Variants in TAAR2 observed in about 807,000 individuals in gnomAD.
The protein encoded by TAAR2 is trace amine-associated receptor 2.
TAAR2 carries 30 observed loss-of-function variants against 25.5 expected under a neutral mutation model. That is an observed-to-expected ratio of 1.18 (90% CI 0.88 to 1.60). The LOEUF is 1.60. TAAR2 is among the 40% of genes most tolerant of loss of function. TAAR2 has a pLI of 0.00. For synonymous variants in TAAR2, 150 were observed against 142.4 expected (o/e 1.05, Z -0.38); for missense variants, 481 against 416.5 (o/e 1.15, Z -1.35).
chr6:132,618,576 G>T lies in TAAR2; in HGVS notation c.61-431C>A, dbSNP rs151122208. ...AATCGCTGGAACCCAGGAGGTGGAG[G>T]TTGCAGTGAGCCGAGATTGTGCCAC... On this transcript the variant is annotated intron_variant, in intron 1 of 1. Coordinates refer to ENST00000367931, the MANE Select transcript of TAAR2 (RefSeq NM_001033080.1). 9.6e-3 allele frequency among the ~76,000 whole-genome samples: 1,468 copies of T among 152,164 alleles called. 21 individuals carry two copies. Among genetic ancestry groups the T allele is most frequent in the African/African-American group, 0.033 (1,365 of 41,490 alleles).
rs1777318670 is a variant in TAAR2, at chr6:132,617,798, T to C, written c.408A>G (p.Ser136=). The change falls in exon 2 of 2, where the codon TCA becomes TCG. Residue 136 remains serine, a synonymous_variant. Coordinates refer to ENST00000367931, the MANE Select transcript of TAAR2 (RefSeq NM_001033080.1). ...TAGCATAAAATCTATCAATGGCCAC[T>C]GAGCAAAGATGAAAAATGGATGTTA... The part of the protein sequence containing the change: ...LSITSIFHLC[S]VAIDRFYAIC... 1.2e-6 allele frequency: 2 copies of C among 1,614,084 alleles called. No homozygotes were observed. Among genetic ancestry groups the C allele is most frequent in the Non-Finnish European group, 1.7e-6 (2 of 1,180,006 alleles).
chr6:132,620,802 T>C (rs966463919), intron 1 of TAAR2, among the ~76,000 whole-genome samples: 1 of 92,444 alleles, frequency 1.1e-5, no homozygotes, highest in African/African-American at 6.4e-5. Context: ...AACATAAAAA[T>C]AAAAGTTAAA....
chr6:132,623,576 G>A (rs577510318), intron 1 of TAAR2, among the ~76,000 whole-genome samples: 4 of 151,922 alleles, frequency 2.6e-5, no homozygotes, highest in Admixed American at 6.6e-5. Flanking sequence ...ACTCCTTACC[G>A]AAGGAACTTT....
At chr6:132,618,377 C>T (rs544720930) in intron 1 of TAAR2, among the ~76,000 whole-genome samples, 4 of 152,192 alleles carry the variant, frequency 2.6e-5, no homozygotes, top group African/African-American at 7.2e-5. Context: ...CGGTGGCTCA[C>T]GCCTGTAATC....
intron 1 of TAAR2, among the ~76,000 whole-genome samples, chr6:132,618,593 T>C (rs184595904): frequency 1.3e-5 from 2 of 152,110 alleles, no homozygotes; most frequent in East Asian, 3.9e-4. Flanking sequence ...TGAGCCGAGA[T>C]TGTGCCACTG....
Position 132,617,952 on chromosome 6 carries a change from A to C in TAAR2, c.254T>G (p.Met85Arg). 6.2e-7 allele frequency: 1 copy of C among 1,614,048 alleles called. No individual in the cohort carries two copies. The highest frequency in any genetic ancestry group is 2.2e-5 in the East Asian group (1 of 44,812). ...HTPTNFLILS[M>R]AITDFLLGFT... ...TCCCAGGAGGAAATCAGTGATGGCC[A>C]TGGAGAGGATGAGGAAGTTGGTTGG... The change falls in exon 2 of 2, where the codon ATG (methionine) becomes AGG (arginine). Residue 85 changes from methionine (M) to arginine (R), a missense_variant. By Grantham distance (91) the Met-to-Arg change is moderately conservative (BLOSUM62 -1). Transcript: ENST00000367931.
At position 132,617,448 on chromosome 6, in the gene TAAR2, T is replaced by G; in HGVS notation, c.758A>C (p.Gln253Pro). 6.2e-7 allele frequency: 1 copy of G among 1,613,742 alleles called. No individual in the cohort carries two copies. The highest frequency in any genetic ancestry group is 8.5e-7 in the Non-Finnish European group (1 of 1,179,900). ...GGCAGCTTTTTTGTCTTTCTTCACT[T>G]GATTATTTTGATTTTCTCGCAAGTT... The part of the protein sequence containing the change: ...INNLRENQNN[Q>P]VKKDKKAAKT... Residue 253 changes from glutamine to proline, a missense_variant, in exon 2 of 2, where the codon CAA (glutamine) becomes CCA (proline). Coordinates refer to ENST00000367931, the MANE Select transcript of TAAR2 (RefSeq NM_001033080.1).
At chr6:132,622,478 CTTTTTTT>C (rs1156767001) in intron 1 of TAAR2, among the ~76,000 whole-genome samples, 8 of 57,380 alleles carry the variant, frequency 1.4e-4, no homozygotes, top group Admixed American at 2.6e-4. Context: ...TTAGTAACCA[CTTTTTTT>C]TTTTTTTTTT....
intron 1 of TAAR2, among the ~76,000 whole-genome samples, chr6:132,623,412 C>T (rs1221461312): frequency 6.6e-6 from 1 of 152,114 alleles, no homozygotes; most frequent in Non-Finnish European, 1.5e-5. Context: ...CTGCACAGGA[C>T]CAAAATTCAA....
chr6:132,622,365 A>G (rs552951935), intron 1 of TAAR2, among the ~76,000 whole-genome samples: 1 of 150,390 alleles, frequency 6.6e-6, no homozygotes, highest in South Asian at 2.1e-4. Context: ...GGTAGGGAGG[A>G]GGAAGCAGAA....
intron 1 of TAAR2, among the ~76,000 whole-genome samples, chr6:132,623,320 A>G (rs530948927): frequency 6.6e-6 from 1 of 152,206 alleles, no homozygotes; most frequent in African/African-American, 2.4e-5. Context: ...TTTCGTTCAC[A>G]TGTTAAAATG....
chr6:132,617,472 T>C lies in TAAR2; in HGVS notation c.734A>G (p.Asn245Ser). 1 of 1,613,978 alleles carries C rather than the reference T, an allele frequency of 6.2e-7. No homozygotes were observed. The highest frequency in any genetic ancestry group is 1.1e-5 in the South Asian group (1 of 91,066). The change falls in exon 2 of 2, where the codon AAC becomes AGC. Residue 245 changes from asparagine (N) to serine (S), a missense_variant. Coordinates refer to ENST00000367931, the MANE Select transcript of TAAR2 (RefSeq NM_001033080.1). The part of the protein sequence containing the change: ...VSRKHAHAIN[N>S]LRENQNNQVK... ...TTGATTATTTTGATTTTCTCGCAAG[T>C]TATTGATGGCATGAGCATGTTTTCT... is the stretch of plus-strand genomic sequence containing the variant.
rs746428524 is a variant in TAAR2, at chr6:132,617,434, T to A, written c.772A>T (p.Lys258Ter). ...ENQNNQVKKD[K>*]KAAKTLGIVI... ...ATTCCTAAAGTTTTGGCAGCTTTTT[T>A]GTCTTTCTTCACTTGATTATTTTGA... The change falls in exon 2 of 2, where the codon AAA becomes TAA. Residue 258 changes from lysine (K) to a stop codon, truncating the protein, a stop_gained. Coordinates refer to ENST00000367931, the MANE Select transcript of TAAR2 (RefSeq NM_001033080.1). LOFTEE classifies it high-confidence loss of function. 1 of 1,613,636 alleles carries A rather than the reference T, an allele frequency of 6.2e-7. No homozygotes were observed. The highest frequency in any genetic ancestry group is 8.5e-7 in the Non-Finnish European group (1 of 1,179,936).
In TAAR2 at chr6:132,617,318, C is replaced by G. The variant is rs1457643179; in HGVS notation, c.888G>C (p.Leu296Phe). 1.2e-6 allele frequency: 2 copies of G among 1,613,476 alleles called. No homozygotes were observed. The highest frequency in any genetic ancestry group is 1.7e-6 in the Non-Finnish European group (2 of 1,179,874). ...AGCCAAACCATGTCAAGGCATCAAA[C>G]AAAACTACAGGAGTAGAGAAGTTCA... ...PFLNFSTPVVLFDALTWFGYF... is the reference protein window; with the variant it reads ...PFLNFSTPVVFFDALTWFGYF... Residue 296 changes from leucine to phenylalanine, a missense_variant, in exon 2 of 2, where the codon TTG becomes TTC. Transcript: ENST00000367931.
chr6:132,617,210 A>G lies in TAAR2; in HGVS notation c.996T>C (p.Gly332=), dbSNP rs73775145. The change falls in exon 2 of 2, where the codon GGT becomes GGC. Residue 332 remains glycine (G), a synonymous_variant. Transcript: ENST00000367931. Reference sequence around the variant, plus strand: ...TATGGAAACATGAGCTGAAAATTTTACCTAGCAAAATGTACTTCAGTGCTC... The same window carrying G: ...TATGGAAACATGAGCTGAAAATTTTGCCTAGCAAAATGTACTTCAGTGCTC... ...FRRALKYILL[G]KIFSSCFHNT... is the part of the protein sequence containing the mutation. The G allele has an allele frequency of 4.9e-3, 7,825 of 1,607,814 alleles. 338 individuals carry two copies. In the African/African-American group the frequency reaches 0.092, roughly 19 times the overall value.
At chr6:132,618,665 C>T in intron 1 of TAAR2, among the ~76,000 whole-genome samples, 1 of 152,074 alleles carries the variant, frequency 6.6e-6, no homozygotes, top group Non-Finnish European at 1.5e-5. Context: ...TCATTATTTA[C>T]TCCATACTTT....
chr6:132,620,064 A>T (rs768621420), intron 1 of TAAR2, among the ~76,000 whole-genome samples: 5 of 152,188 alleles, frequency 3.3e-5, no homozygotes, highest in Non-Finnish European at 5.9e-5. Flanking sequence ...CATTAGTCAA[A>T]AGAGATTTCC....
rs140254251 is a variant in TAAR2 at position 132,623,111 on chromosome 6, A to T, written c.60+1105T>A. On this transcript the variant is annotated intron_variant, in intron 1 of 1. Coordinates refer to ENST00000367931, the MANE Select transcript of TAAR2 (RefSeq NM_001033080.1). The stretch of plus-strand genomic sequence containing the variant: ...TCAAGTACACATTTGACCAGAAAAG[A>T]TTTCTCCTAAGAAAAAGAGGAAATG... Among the ~76,000 whole-genome samples the T allele has an allele frequency of 7.4e-3, 1,133 of 152,228 alleles. 8 individuals carry two copies. Among genetic ancestry groups the T allele is most frequent in the Non-Finnish European group, 0.012 (849 of 68,012 alleles).
intron 1 of TAAR2, among the ~76,000 whole-genome samples, chr6:132,621,453 C>T (rs528623364): frequency 8.4e-4 from 128 of 152,064 alleles, no homozygotes; most frequent in African/African-American, 3.0e-3. Flanking sequence ...GTGTGATGTT[C>T]CCCTCCCTGT....
Sources: allele counts gnomAD v4.1 joint callset (sites outside exome capture counted in the v4.1 genomes callset), GRCh38; gene constraint gnomAD v4.1.1; transcripts MANE v1.5; gene names NCBI Gene and HGNC (gene_info 2026-07-23, HGNC 2026-07-21).